The following PAK4 variants were observed in gnomAD, a reference collection of about 807,000 sequenced individuals.
PAK4 encodes the protein serine/threonine-protein kinase PAK 4.
In PAK4, 49 loss-of-function variants were observed where a neutral mutation model predicts 53.5. The ratio of observed to expected loss-of-function variants is 0.92; its 90% confidence interval spans 0.73 to 1.16. The LOEUF (loss-of-function observed/expected upper bound fraction) is 1.16, where lower values mean the gene tolerates loss of function less well. Ranked by LOEUF, PAK4 falls within the 50% of genes most tolerant of loss-of-function variation. The pLI is 0.00. For synonymous variants in PAK4, 376 were observed against 375.6 expected, an observed-to-expected ratio of 1.00 and a Z score of -0.01; for missense variants, 824 against 850.7, an observed-to-expected ratio of 0.97 and a Z score of 0.39.
intron 1 of PAK4, among the ~76,000 whole-genome samples, chr19:39,167,185 C>G (rs1340677054): frequency 6.6e-6 from 1 of 152,196 alleles, no homozygotes; most frequent in Non-Finnish European, 1.5e-5. Context: ...GATCCTCTTC[C>G]CGTGGCTCTG....
At chr19:39,151,762 A>G (rs1482346499) in intron 1 of PAK4, among the ~76,000 whole-genome samples, 1 of 152,100 alleles carries the variant, frequency 6.6e-6, no homozygotes, top group Non-Finnish European at 1.5e-5. Context: ...GAAATAACCA[A>G]TTCATATGTT....
At chr19:39,141,891 T>C (rs1342972696) in intron 1 of PAK4, among the ~76,000 whole-genome samples, 1 of 152,212 alleles carries the variant, frequency 6.6e-6, no homozygotes, top group Non-Finnish European at 1.5e-5. Context: ...CCTCCCAAAA[T>C]GTTGGGATTA....
chr19:39,136,893 C>T (rs745986167), intron 1 of PAK4, among the ~76,000 whole-genome samples: 10 of 152,264 alleles, frequency 6.6e-5, no homozygotes, highest in Non-Finnish European at 1.0e-4. Context: ...AACTTGGCCT[C>T]GACTAAGGGA....
In PAK4 at chr19:39,178,047, C is replaced by A. The variant is rs2074644474; in HGVS notation, c.1620+238C>A. ...ACCCTCACCATTGCCCTGGGCCCCACCCAGCCCTAGAGAGATTTGCACGTT... is the reference window on the plus strand; with the variant it reads ...ACCCTCACCATTGCCCTGGGCCCCAACCAGCCCTAGAGAGATTTGCACGTT... On this transcript the variant is annotated intron_variant, in intron 8 of 8. Transcript: ENST00000358301. This position sits in a 1 kb window ranked among gnomAD's most constrained non-coding sequence, Gnocchi z 4.4. Among the ~76,000 whole-genome samples the A allele has an allele frequency of 6.6e-6, 1 of 152,140 alleles. No individual in the cohort carries two copies. The highest frequency in any genetic ancestry group is 1.5e-5 in the Non-Finnish European group (1 of 68,010).
rs1019949867 is a variant in PAK4 at position 39,178,779 on chromosome 19, G to C, written c.*200G>C. 7.9e-6 allele frequency: 4 copies of C among 505,348 alleles called. No individual in the cohort carries two copies. The highest frequency in any genetic ancestry group is 1.4e-5 in the Non-Finnish European group (4 of 286,930). The allele number at this position is 505,348 out of a possible 1,614,324, so 31.3% of individuals were successfully genotyped here. ...GACTTTTAGAAAAACACAGGGACTC[G>C]TGGGAGCAAGCGAGGCTCCCAGGAC... is the stretch of plus-strand genomic sequence containing the variant. On this transcript the variant is annotated 3_prime_UTR_variant, in exon 9 of 9. Transcript: ENST00000358301. This position sits in a 1 kb window ranked among gnomAD's most constrained non-coding sequence, Gnocchi z 4.4.
At chr19:39,129,812 A>G (rs2073666698) in intron 1 of PAK4, among the ~76,000 whole-genome samples, 1 of 152,194 alleles carries the variant, frequency 6.6e-6, no homozygotes, top group Non-Finnish European at 1.5e-5. Flanking sequence ...CCTTGGGGGC[A>G]GGTGCCAGGG....
intron 1 of PAK4, among the ~76,000 whole-genome samples, chr19:39,131,286 C>T (rs1044921661): frequency 1.3e-5 from 2 of 152,120 alleles, no homozygotes; most frequent in African/African-American, 4.8e-5. Flanking sequence ...ACAGAAGTTC[C>T]GTGGAGACCT....
At chr19:39,129,398 C>T (rs951704752) in intron 1 of PAK4, among the ~76,000 whole-genome samples, 1 of 151,984 alleles carries the variant, frequency 6.6e-6, no homozygotes, top group African/African-American at 2.4e-5. Flanking sequence ...TTCTGGAACG[C>T]GTGTTCCTGT....
intron 1 of PAK4, among the ~76,000 whole-genome samples, chr19:39,127,860 A>G (rs900707117): frequency 2.0e-5 from 3 of 152,130 alleles, no homozygotes; most frequent in African/African-American, 7.2e-5. Context: ...GAATGGGCTT[A>G]CCAGGCAGGA....
At chr19:39,172,808 T>C in intron 2 of PAK4, 110 bp from the exon 4 acceptor site, 2 of 922,776 alleles carry the variant, frequency 2.2e-6, no homozygotes, top group Non-Finnish European at 3.3e-6. Context: ...TCATTGCGTC[T>C]CTGTCTTGTC....
Position 39,173,088 on chromosome 19 carries a change from C to T in PAK4, c.375C>T (p.Ala125=), listed in dbSNP as rs2074517244. The change falls in exon 3 of 9, where the codon GCC becomes GCT. Residue 125 remains alanine (A), a synonymous_variant. Coordinates refer to ENST00000358301, the Ensembl canonical transcript of PAK4. This position sits in a 1 kb window ranked among gnomAD's most constrained non-coding sequence, Gnocchi z 6.9. The stretch of plus-strand genomic sequence containing the variant: ...TGCCAGAGGAGCCGGCCACCACGGC[C>T]AGAGGGGGCCCAGGGAAGGCAGGCA... 1 of 1,548,492 alleles carries T rather than the reference C, an allele frequency of 6.5e-7. No homozygotes were observed. Among genetic ancestry groups the T allele is most frequent in the African/African-American group, 1.4e-5 (1 of 72,964 alleles).
intron 6 of PAK4, chr19:39,176,369 G>T (rs528900272): frequency 3.3e-6 from 2 of 604,932 alleles, no homozygotes; most frequent in Non-Finnish European, 5.9e-6. Flanking sequence ...GGAGGGAAAT[G>T]GGGGGATCGT....
At chr19:39,163,091 G>A (rs1013914363) in intron 1 of PAK4, among the ~76,000 whole-genome samples, 5 of 152,114 alleles carry the variant, frequency 3.3e-5, no homozygotes, top group Admixed American at 2.0e-4. Context: ...AACTCCCAGC[G>A]CCTCCACCAT....
intron 1 of PAK4, among the ~76,000 whole-genome samples, chr19:39,146,671 C>T (rs1328520947): frequency 6.6e-6 from 1 of 152,018 alleles, no homozygotes; most frequent in Non-Finnish European, 1.5e-5. Context: ...GAGACACCAT[C>T]TCTTCACAAA....
At chr19:39,180,947 C>T (rs947622091), downstream of PAK4, 1 of 152,226 alleles carries the variant, frequency 6.6e-6, no homozygotes, top group African/African-American at 2.4e-5. Context: ...GAACAGCTAG[C>T]TCTAGGAGCT....
intron 1 of PAK4, among the ~76,000 whole-genome samples, chr19:39,151,577 A>G (rs1053691337): frequency 1.3e-5 from 2 of 152,222 alleles, no homozygotes; most frequent in African/African-American, 4.8e-5. Context: ...CTCTGGCCCG[A>G]TGGGGACTGG....
In PAK4 at chr19:39,169,542, G is replaced by A. The variant is rs149068416; in HGVS notation, c.-12G>A. 176 of 1,611,280 alleles carry A rather than the reference G, an allele frequency of 1.1e-4. No homozygotes were observed. The African/African-American group carries it at 2.1e-3, about 19-fold the overall frequency. On this transcript the variant is annotated 5_prime_UTR_variant, in exon 2 of 9. Coordinates refer to ENST00000358301, the Ensembl canonical transcript of PAK4. ...GATTCCCTCCCGCAGGCCGCACCGA[G>A]TCCCCGGCACCATGTTTGGGAAGAG...
exon 2 of PAK4, chr19:39,169,548 G>A (rs376606539): frequency 1.3e-5 from 21 of 1,612,222 alleles, no homozygotes; most frequent in African/African-American, 1.1e-4. Context: ...CCGAGTCCCC[G>A]GCACCATGTT....
At chr19:39,160,782 T>A (rs1160590039) in intron 1 of PAK4, among the ~76,000 whole-genome samples, 1 of 152,254 alleles carries the variant, frequency 6.6e-6, no homozygotes, top group Non-Finnish European at 1.5e-5. Context: ...ATTTGTGTAA[T>A]GTCTTCAGAT....
Sources: allele counts gnomAD v4.1 joint callset (sites outside exome capture counted in the v4.1 genomes callset), GRCh38; gene constraint gnomAD v4.1.1; non-coding constraint Gnocchi (gnomAD v3.1); transcripts MANE v1.5; gene names NCBI Gene and HGNC (gene_info 2026-07-23, HGNC 2026-07-21).